The following SCN4B variants were observed in gnomAD, a reference collection of about 807,000 sequenced individuals.
SCN4B encodes the protein sodium voltage-gated channel beta subunit 4.
In SCN4B, 20 loss-of-function variants were observed where a neutral mutation model predicts 19.6. The observed-to-expected ratio is 1.02, with a 90% CI of 0.72 to 1.48. The LOEUF (loss-of-function observed/expected upper bound fraction) is 1.48, where lower values mean the gene tolerates loss of function less well. SCN4B is among the 40% of genes most tolerant of loss of function. The pLI, the probability that SCN4B is intolerant of heterozygous loss-of-function variation, is 0.00. For missense variants in SCN4B, 271 were observed against 287.5 expected, an observed-to-expected ratio of 0.94 and a Z score of 0.42; for synonymous variants, 127 against 122.8, an observed-to-expected ratio of 1.03 and a Z score of -0.22.
Position 118,145,180 on chromosome 11 carries a change from C to T in SCN4B, c.111G>A (p.Lys37=), listed in dbSNP as rs2135505265. 3.1e-6 allele frequency: 5 copies of T among 1,612,024 alleles called. No homozygotes were observed. The highest frequency in any genetic ancestry group is 4.2e-6 in the Non-Finnish European group (5 of 1,179,360). Residue 37 remains lysine, a synonymous_variant, in exon 2 of 5, where the codon AAG becomes AAA. Transcript: ENST00000324727. Reference sequence around the variant, plus strand: ...CATTGACAGCGTAGATGTCGGTGGCCTTTCCCACAGACACCTCCAGCGACA... The same window carrying T: ...CATTGACAGCGTAGATGTCGGTGGCTTTTCCCACAGACACCTCCAGCGACA... ...VTLSLEVSVG[K]ATDIYAVNGT... is the part of the protein sequence containing the mutation.
At chr11:118,143,700 C>G in intron 3 of SCN4B, 133 bp downstream of exon 3, 2 of 693,840 alleles carry the variant, frequency 2.9e-6, no homozygotes, top group Admixed American at 4.2e-5. Context: ...AGATGTAACT[C>G]CAGCAGCTCT....
In SCN4B at chr11:118,136,523, T is replaced by G; in HGVS notation, c.*504A>C. ...CTATGAAGCAGAGGCAGTCTCTCAC[T>G]GTGGGCCTGCCCCCATCAGCCCCCA... On this transcript the variant is annotated 3_prime_UTR_variant, in exon 5 of 5. Coordinates refer to ENST00000324727, the MANE Select transcript of SCN4B (RefSeq NM_174934.4). 1 of 454,084 alleles carries G rather than the reference T, an allele frequency of 2.2e-6. No homozygotes were observed. The highest frequency in any genetic ancestry group is 4.4e-6 in the Non-Finnish European group (1 of 226,810). 28.1% of individuals were successfully genotyped at this position (454,084 alleles called of 1,614,324 possible). A position where few individuals can be genotyped will look rare whatever the true frequency, so the allele number is the denominator to read the frequency against.
rs924700408 is a variant in SCN4B at position 118,152,529 on chromosome 11, A to G, written c.61+84T>C. ...CGTGCCGCACTCCAAAGCCCACCCC[A>G]TCCAAGGCATCTTCCTTCTCGAGTG... On this transcript the variant is annotated intron_variant, in intron 1 of 4. Transcript: ENST00000324727. 4.1e-6 allele frequency: 5 copies of G among 1,217,922 alleles called. No individual in the cohort carries two copies. In the African/African-American group the frequency reaches 7.4e-5, roughly 18 times the overall value. 75.4% of individuals were successfully genotyped at this position (1,217,922 alleles called of 1,614,324 possible).
rs1420479152 is a variant in SCN4B, at chr11:118,134,198, G to A, written c.*2829C>T. The A allele has an allele frequency of 2.2e-6, 1 of 454,182 alleles. No individual in the cohort carries two copies. Among genetic ancestry groups the A allele is most frequent in the Non-Finnish European group, 4.4e-6 (1 of 226,796 alleles). The allele number at this position is 454,182 out of a possible 1,614,324, so 28.1% of individuals were successfully genotyped here. ...CTTCTGTTCAATTACGACATGGGGA[G>A]AAGCCCAGAACCTGGAATGCTGATT... On this transcript the variant is annotated 3_prime_UTR_variant, in exon 5 of 5. Transcript: ENST00000324727.
intron 4 of SCN4B, among the ~76,000 whole-genome samples, chr11:118,139,888 C>CTTTTTTTTTTTTTTTTTTTTT (rs5795120): frequency 2.1e-5 from 3 of 139,742 alleles, no homozygotes; most frequent in African/African-American, 2.7e-5. Flanking sequence ...TCTAGCATTC[C>CTTTTTTTTTTTTTTTTTTTTT]TTTTTTTTTT....
At position 118,146,861 on chromosome 11, in the gene SCN4B, T is replaced by G. The variant is rs1317285361; in HGVS notation, c.62-1632A>C. Among the ~76,000 whole-genome samples, 5 of 151,842 alleles carry G rather than the reference T, an allele frequency of 3.3e-5. No homozygotes were observed. In the East Asian group the frequency reaches 9.7e-4, roughly 29 times the overall value. On this transcript the variant is annotated intron_variant, in intron 1 of 4. Transcript: ENST00000324727. The stretch of plus-strand genomic sequence containing the variant: ...ACTGAGCCTAGAGAGGTTATGTAAC[T>G]TGCCTAAGAGACCCAGATCTACCCA...
chr11:118,147,829 C>T (rs1158206934), intron 1 of SCN4B, among the ~76,000 whole-genome samples: 2 of 152,184 alleles, frequency 1.3e-5, no homozygotes, highest in African/African-American at 2.4e-5. Flanking sequence ...ATCAGCATAC[C>T]GGTCCAGGAA....
rs1162560612 is a variant in SCN4B at position 118,137,126 on chromosome 11, G to A, written c.594-6C>T. The A allele has an allele frequency of 1.9e-6, 3 of 1,604,454 alleles. No homozygotes were observed. Among genetic ancestry groups the A allele is most frequent in the Admixed American group, 1.7e-5 (1 of 60,000 alleles). On this transcript the variant is annotated splice_region_variant and splice_polypyrimidine_tract_variant and intron_variant, in intron 4 of 4. Transcript: ENST00000324727. ...AGCTCACGAGACACTCCTTCCTGGA[G>A]AGGGAGAGAGAAGGGACAGTGGTGA...
At chr11:118,138,035 C>G (rs1402303988) in intron 4 of SCN4B, among the ~76,000 whole-genome samples, 2 of 152,090 alleles carry the variant, frequency 1.3e-5, no homozygotes, top group African/African-American at 4.8e-5. Context: ...AGACACCTCC[C>G]GGGAGGCGTT....
At chr11:118,140,896 G>GT (rs1341719989) in intron 4 of SCN4B, among the ~76,000 whole-genome samples, 1 of 152,174 alleles carries the variant, frequency 6.6e-6, no homozygotes, top group Non-Finnish European at 1.5e-5. Context: ...AAGGCTCTCG[G>GT]TTGGGTGGTA....
In SCN4B at chr11:118,137,176, A is replaced by T. The variant is rs1041259213; in HGVS notation, c.594-56T>A. The T allele has an allele frequency of 5.6e-5, 75 of 1,344,402 alleles. 1 individual carries two copies. In the African/African-American group the frequency reaches 1.0e-3, roughly 18 times the overall value. 83.3% of individuals were successfully genotyped at this position (1,344,402 alleles called of 1,614,324 possible). A position where few individuals can be genotyped will look rare whatever the true frequency, so the allele number is the denominator to read the frequency against. On this transcript the variant is annotated intron_variant, in intron 4 of 4. Coordinates refer to ENST00000324727, the MANE Select transcript of SCN4B (RefSeq NM_174934.4). The stretch of plus-strand genomic sequence containing the variant: ...AGGAGAGGAGCAAGAGTAGGGGGAG[A>T]ATTGTGGCAGGAGCCGTGGGCCCTG...
chr11:118,144,190 A>T (rs1025226189), intron 2 of SCN4B, 129 bp from the exon 3 acceptor site: 1 of 692,512 alleles, frequency 1.4e-6, no homozygotes, highest in African/African-American at 1.7e-5. Context: ...GCCTGTAGTC[A>T]CGCCCTGCTC....
chr11:118,152,697 C>T lies in SCN4B; in HGVS notation c.-24G>A, dbSNP rs1472148593. 1 of 1,569,464 alleles carries T rather than the reference C, an allele frequency of 6.4e-7. No individual in the cohort carries two copies. The highest frequency in any genetic ancestry group is 8.7e-7 in the Non-Finnish European group (1 of 1,148,478). On this transcript the variant is annotated 5_prime_UTR_variant, in exon 1 of 5. Coordinates refer to ENST00000324727, the MANE Select transcript of SCN4B (RefSeq NM_174934.4). ...ATAGTCCTGTTCTCTCCGGAGCGCG[C>T]GGGGGTCGCGGGGATGGGATACTGG...
chr11:118,145,308 G>A, intron 1 of SCN4B, 79 bp from the exon 2 acceptor site: 1 of 1,599,768 alleles, frequency 6.3e-7, no homozygotes, highest in Non-Finnish European at 8.5e-7. Context: ...GCAGGGCGGA[G>A]TAGCTTGGCC....
intron 3 of SCN4B, chr11:118,141,638 T>C (rs1299909775): frequency 2.2e-6 from 1 of 450,162 alleles, no homozygotes; most frequent in East Asian, 4.2e-5. Context: ...ACACTCAAGT[T>C]TGAGTGGTGA....
chr11:118,141,158 A>C, intron 4 of SCN4B, 49 bp downstream of exon 4: 2 of 1,610,622 alleles, frequency 1.2e-6, no homozygotes. Context: ...GGTAGATGAG[A>C]GGGTGGTGGG....
chr11:118,149,192 A>G (rs1948212245), intron 1 of SCN4B, among the ~76,000 whole-genome samples: 2 of 152,326 alleles, frequency 1.3e-5, no homozygotes, highest in South Asian at 4.1e-4. Context: ...CAGCTACCAT[A>G]TATCCCAAGG....
chr11:118,137,097 G>A lies in SCN4B; in HGVS notation c.617C>T (p.Ser206Leu), dbSNP rs140348243. The change falls in exon 5 of 5, where the codon TCG (serine) becomes TTG (leucine). Residue 206 changes from serine (S) to leucine (L), a missense_variant. By Grantham distance (145) the Ser-to-Leu change is moderately radical (BLOSUM62 -2). Transcript: ENST00000324727. ...GCCGTTCTCCGTGTTGTCATTCCCC[G>A]AGGAGCTCACGAGACACTCCTTCCT... ...EKKKECLVSS[S>L]GNDNTENGLP... The A allele has an allele frequency of 1.5e-4, 248 of 1,613,700 alleles. No individual in the cohort carries two copies. The highest frequency in any genetic ancestry group is 1.9e-4 in the Non-Finnish European group (227 of 1,179,710).
chr11:118,134,798 CT>C lies in SCN4B; in HGVS notation c.*2228del, dbSNP rs992185587. 1 of 454,084 alleles carries C rather than the reference CT, an allele frequency of 2.2e-6. No individual in the cohort carries two copies. 28.1% of individuals were successfully genotyped at this position (454,084 alleles called of 1,614,324 possible). On this transcript the variant is annotated 3_prime_UTR_variant, in exon 5 of 5. Coordinates refer to ENST00000324727, the MANE Select transcript of SCN4B (RefSeq NM_174934.4). Reference sequence around the variant, plus strand: ...AATTAATACCTGGCTTCCCAGATCCCTTTCCAAGCCAAAAAGATGTTTTTAG... The same window carrying C: ...AATTAATACCTGGCTTCCCAGATCCCTTCCAAGCCAAAAAGATGTTTTTAG...
Sources: allele counts gnomAD v4.1 joint callset (sites outside exome capture counted in the v4.1 genomes callset), GRCh38; gene constraint gnomAD v4.1.1; transcripts MANE v1.5; gene names NCBI Gene and HGNC (gene_info 2026-07-23, HGNC 2026-07-21).